The following ZNF880 variants were observed in gnomAD, a reference collection of about 807,000 sequenced individuals.
ZNF880 encodes zinc finger protein LOC400713.
In ZNF880, 12 loss-of-function variants were observed where a neutral mutation model predicts 11.8. That is an observed-to-expected ratio of 1.02 (90% confidence interval 0.65 to 1.65). The LOEUF is 1.65. Ranked by LOEUF, ZNF880 falls within the 40% of genes most tolerant of loss-of-function variation. ZNF880 has a pLI of 0.00. For synonymous variants in ZNF880, 210 were observed against 232.4 expected (o/e 0.90, Z 0.88); for missense variants, 601 against 673.9 (o/e 0.89, Z 1.20).
chr19:52,368,188 G>C (rs1357612110), upstream of ZNF880, among the ~76,000 whole-genome samples: 1 of 137,478 alleles, frequency 7.3e-6, no homozygotes, highest in Non-Finnish European at 1.5e-5. Context: ...CCTGGTGACA[G>C]AGCAAGGCTC....
downstream of ZNF880, among the ~76,000 whole-genome samples, chr19:52,387,746 G>T (rs1448305704): frequency 7.0e-6 from 1 of 143,024 alleles, no homozygotes; most frequent in Non-Finnish European, 1.5e-5. Context: ...ACTGTGCCTG[G>T]CGACAAATAC....
intron 1 of ZNF880, 125 bp downstream of exon 1, chr19:52,370,102 C>T: frequency 7.8e-7 from 1 of 1,276,322 alleles, no homozygotes; most frequent in Non-Finnish European, 1.1e-6. Context: ...CGACTAAACT[C>T]AGACGTTCTA....
chr19:52,374,379 A>G lies in ZNF880; in HGVS notation c.220A>G (p.Ile74Val). The change falls in exon 3 of 4, where the codon ATA (isoleucine) becomes GTA (valine). Residue 74 changes from isoleucine (I) to valine (V), a missense_variant. This residue lies in a region of ZNF880 where 420 missense variants were observed against 442.6 expected (regional missense o/e 0.95). Transcript: ENST00000422689. ...DPRNLQSEVKIANNPGGRECI... is the reference protein window; with the variant it reads ...DPRNLQSEVKVANNPGGRECI... Reference sequence around the variant, plus strand: ...CCGGAATCTGCAGAGTGAAGTGAAAATAGCAAACAATCCAGGTGGCAGGGA... The same window carrying G: ...CCGGAATCTGCAGAGTGAAGTGAAAGTAGCAAACAATCCAGGTGGCAGGGA... 1 of 1,613,304 alleles carries G rather than the reference A, an allele frequency of 6.2e-7. No individual in the cohort carries two copies. Among genetic ancestry groups the G allele is most frequent in the Non-Finnish European group, 8.5e-7 (1 of 1,179,670 alleles).
rs2122407782 is a variant in ZNF880 at position 52,383,995 on chromosome 19, A to AACG, written c.417_418insGAC (p.Asn139_Asn140insAsp). 3 of 1,553,570 alleles carry AACG rather than the reference A, an allele frequency of 1.9e-6. No homozygotes were observed. Among genetic ancestry groups the AACG allele is most frequent in the Non-Finnish European group, 2.6e-6 (3 of 1,148,022 alleles). The stretch of plus-strand genomic sequence containing the variant: ...ATGTAAACATGTCGAAAAACCTATC[A>AACG]ACAATTCCTTAGTTTCACCACTTCA... On this transcript the variant is annotated inframe_insertion, in exon 4 of 4. Coordinates refer to ENST00000422689, the MANE Select transcript of ZNF880 (RefSeq NM_001145434.2).
At chr19:52,389,225 A>G (rs1325760095), downstream of ZNF880, 1 of 152,140 alleles carries the variant, frequency 6.6e-6, no homozygotes, top group Admixed American at 6.5e-5. Context: ...AGTCCCCCAA[A>G]GTCTTATTTC....
intron 3 of ZNF880, chr19:52,379,358 T>TA: frequency 2.4e-6 from 1 of 418,458 alleles, no homozygotes; most frequent in Non-Finnish European, 4.6e-6. Flanking sequence ...TTTTGTCAGT[T>TA]ACGTTTATTA....
chr19:52,368,721 C>A (rs1986238127), upstream of ZNF880, among the ~76,000 whole-genome samples: 1 of 151,882 alleles, frequency 6.6e-6, no homozygotes, highest in Non-Finnish European at 1.5e-5. Flanking sequence ...ACATTTTTTT[C>A]CTACATTGCC....
chr19:52,379,325 CTGAT>C (rs1015202599), intron 3 of ZNF880: 4 of 380,374 alleles, frequency 1.1e-5, no homozygotes, highest in South Asian at 4.0e-5. Flanking sequence ...TTTCCTTTAC[CTGAT>C]TAAGATATTA....
At chr19:52,381,326 T>C (rs1986699709) in intron 3 of ZNF880, among the ~76,000 whole-genome samples, 1 of 152,220 alleles carries the variant, frequency 6.6e-6, no homozygotes, top group Non-Finnish European at 1.5e-5. Flanking sequence ...GAATTGAGTC[T>C]TTCATCATTT....
At chr19:52,379,124 A>G (rs1243110897) in intron 3 of ZNF880, among the ~76,000 whole-genome samples, 3 of 151,544 alleles carry the variant, frequency 2.0e-5, no homozygotes, top group Admixed American at 1.3e-4. Context: ...ATTTGTATTT[A>G]GTCAACAGTT....
rs1044130496 is a variant in ZNF880 at position 52,373,251 on chromosome 19, C to T, written c.139+14C>T. On this transcript the variant is annotated intron_variant, in intron 2 of 3. Coordinates refer to ENST00000422689, the MANE Select transcript of ZNF880 (RefSeq NM_001145434.2). ...TGGTCTTTCTGGGTGAGGATAATGT[C>T]CCTTCAGAAGTCAAGATCTGCCCTG... 8.1e-6 allele frequency: 13 copies of T among 1,606,890 alleles called. No homozygotes were observed. The highest frequency in any genetic ancestry group is 1.1e-5 in the Non-Finnish European group (13 of 1,176,380).
intron 3 of ZNF880, among the ~76,000 whole-genome samples, chr19:52,382,405 T>C (rs1986731730): frequency 6.6e-6 from 1 of 152,188 alleles, no homozygotes. Flanking sequence ...AAAGATACTA[T>C]TTAGAGACCT....
the ZNF880 span, among the ~76,000 whole-genome samples, chr19:52,394,131 A>G: frequency 3.3e-5 from 5 of 150,078 alleles, no homozygotes; most frequent in Non-Finnish European, 5.9e-5. Flanking sequence ...AAGCCACTGC[A>G]CCCGGCCTCT....
intron 1 of ZNF880, among the ~76,000 whole-genome samples, chr19:52,372,271 AAAT>A (rs939563653): frequency 9.9e-4 from 149 of 150,934 alleles, no homozygotes; most frequent in African/African-American, 3.6e-3. Flanking sequence ...GTTGTCCACA[AAAT>A]TAGAAATCTC....
At chr19:52,377,974 T>C (rs1359733992) in intron 3 of ZNF880, among the ~76,000 whole-genome samples, 2 of 152,178 alleles carry the variant, frequency 1.3e-5, no homozygotes, top group Non-Finnish European at 2.9e-5. Flanking sequence ...GGATTTTTTA[T>C]GGAGGCTTCA....
rs1986791502 is a variant in ZNF880 at position 52,384,289 on chromosome 19, G to A, written c.709G>A (p.Glu237Lys). 3.1e-6 allele frequency: 5 copies of A among 1,606,462 alleles called. No individual in the cohort carries two copies. The African/African-American group carries it at 6.8e-5, about 22-fold the overall frequency. Residue 237 changes from glutamate to lysine, a missense_variant, in exon 4 of 4, where the codon GAG becomes AAG. Glu to Lys is a moderately conservative substitution (Grantham distance 56). Transcript: ENST00000422689. ...LVQHQRIHTG[E>K]KPYKCHECGK... ...ACAACATCAAAGAATTCATACTGGA[G>A]AGAAGCCTTACAAGTGTCATGAATG...
chr19:52,391,535 A>G, the ZNF880 span: 1 of 152,154 alleles, frequency 6.6e-6, no homozygotes, highest in Non-Finnish European at 1.5e-5. Context: ...CTAGGAAAAG[A>G]AGGTGAGAAT....
chr19:52,384,056 A>G lies in ZNF880; in HGVS notation c.476A>G (p.Asn159Ser). ...TCTAGTGTCAAATCCCACATTTTAA[A>G]TAAATACAGAAATGATTTTGATGAT... ...IYSSVKSHIL[N>S]KYRNDFDDSP... is the part of the protein sequence containing the mutation. Residue 159 changes from asparagine (N) to serine (S), a missense_variant, in exon 4 of 4, where the codon AAT becomes AGT. Physicochemically the swap from Asn to Ser is conservative, Grantham distance 46. Around this residue, in one of 3 missense-constraint regions of ZNF880, gnomAD observed 420 missense variants for 442.6 expected, o/e 0.95. Coordinates refer to ENST00000422689, the MANE Select transcript of ZNF880 (RefSeq NM_001145434.2). 1 of 1,564,972 alleles carries G rather than the reference A, an allele frequency of 6.4e-7. No individual in the cohort carries two copies. Among genetic ancestry groups the G allele is most frequent in the Non-Finnish European group, 8.7e-7 (1 of 1,154,452 alleles).
intron 1 of ZNF880, 26 bp downstream of exon 1, chr19:52,370,003 A>G: frequency 6.4e-7 from 1 of 1,551,482 alleles, no homozygotes; most frequent in Non-Finnish European, 8.7e-7. Context: ...TTTAGATTAA[A>G]TCTGGGATGC....
Sources: allele counts gnomAD v4.1 joint callset (sites outside exome capture counted in the v4.1 genomes callset), GRCh38; gene constraint gnomAD v4.1.1; regional missense constraint gnomAD v4.1.1; transcripts MANE v1.5; gene names NCBI Gene and HGNC (gene_info 2026-07-23, HGNC 2026-07-21).